Variants in CYTH3 observed in about 807,000 individuals in gnomAD.
CYTH3 encodes the protein cytohesin 3.
A neutral mutation model predicts 55.1 loss-of-function variants in CYTH3; 23 were observed. The ratio of observed to expected loss-of-function variants is 0.42; its 90% CI spans 0.30 to 0.59. CYTH3 has a LOEUF of 0.59. CYTH3 is among the 20% of genes least tolerant of loss of function. The probability of loss-of-function intolerance (pLI) is 0.20; values close to 1 mark genes in which losing one functional copy is unlikely to be tolerated. For missense variants in CYTH3, 413 were observed against 524.8 expected (o/e 0.79, Z 2.08); for synonymous variants, 249 against 194.9 (o/e 1.28, Z -2.31).
At chr7:6,261,387 G>A (rs978080209) in intron 1 of CYTH3, among the ~76,000 whole-genome samples, 2 of 152,054 alleles carry the variant, frequency 1.3e-5, no homozygotes, top group African/African-American at 4.8e-5. Flanking sequence ...CTAGAAGAAG[G>A]GTAAACCAGA....
chr7:6,256,814 A>C (rs1780139972), intron 1 of CYTH3, among the ~76,000 whole-genome samples: 1 of 152,222 alleles, frequency 6.6e-6, no homozygotes, highest in Non-Finnish European at 1.5e-5. Flanking sequence ...GGCAGGACAC[A>C]CCACATCCAT....
chr7:6,223,835 CTAAA>C (rs1779159268), intron 1 of CYTH3, among the ~76,000 whole-genome samples: 1 of 18,030 alleles, frequency 5.5e-5, no homozygotes, highest in African/African-American at 3.4e-4. Context: ...TCAATAAATA[CTAAA>C]AAAAAAAAAA....
chr7:6,193,138 C>T (rs1783843703), intron 1 of CYTH3, among the ~76,000 whole-genome samples: 1 of 152,140 alleles, frequency 6.6e-6, no homozygotes, highest in Non-Finnish European at 1.5e-5. Flanking sequence ...CACCACTGCA[C>T]TCTAGCCTGG....
rs1037990949 is a variant in CYTH3, at chr7:6,202,466, T to G, written c.35-11935A>C. 6.0e-5 allele frequency among the ~76,000 whole-genome samples: 9 copies of G among 150,886 alleles called. No homozygotes were observed. The South Asian group carries it at 1.7e-3, about 28-fold the overall frequency. ...CAACAGGCCATTGCTAGTTTTTTTT[T>G]TTTTTTTTTTTTTGAGACAGGGTTT... On this transcript the variant is annotated intron_variant, in intron 1 of 12. Transcript: ENST00000350796.
intron 1 of CYTH3, among the ~76,000 whole-genome samples, chr7:6,228,420 A>AG (rs1434912979): frequency 6.6e-6 from 1 of 152,162 alleles, no homozygotes; most frequent in Non-Finnish European, 1.5e-5. Context: ...GGAGTCTTCT[A>AG]GGGGGAGGGG....
At chr7:6,178,131 C>T (rs775956199) in intron 4 of CYTH3, among the ~76,000 whole-genome samples, 190 bp from the exon 5 acceptor site, 32 of 152,326 alleles carry the variant, frequency 2.1e-4, no homozygotes, top group South Asian at 4.1e-4. Context: ...AAGAAACGCA[C>T]GTTCATTCCT....
chr7:6,257,379 G>C (rs1001338875), intron 1 of CYTH3, among the ~76,000 whole-genome samples: 9 of 152,088 alleles, frequency 5.9e-5, no homozygotes, highest in Non-Finnish European at 1.2e-4. Context: ...ACTTGGAAAA[G>C]GACATTCTTG....
chr7:6,203,060 A>C (rs547104752), intron 1 of CYTH3, among the ~76,000 whole-genome samples: 2 of 152,352 alleles, frequency 1.3e-5, no homozygotes, highest in South Asian at 4.1e-4. Context: ...GACTAAAGCT[A>C]TGAGTCACTA....
chr7:6,263,361 T>G (rs139911153), intron 1 of CYTH3, among the ~76,000 whole-genome samples: 27 of 152,328 alleles, frequency 1.8e-4, no homozygotes, highest in African/African-American at 6.3e-4. Context: ...TGTTATCTAT[T>G]AAAACTGAAG....
At chr7:6,198,240 G>A (rs1467694266) in intron 1 of CYTH3, among the ~76,000 whole-genome samples, 1 of 152,184 alleles carries the variant, frequency 6.6e-6, no homozygotes, top group Non-Finnish European at 1.5e-5. Flanking sequence ...TAAATAAAAG[G>A]CATAGGAGTA....
In CYTH3 at chr7:6,272,571, C is replaced by A; in HGVS notation, c.-64G>T. The A allele has an allele frequency of 8.4e-7, 1 of 1,193,568 alleles. No homozygotes were observed. The highest frequency in any genetic ancestry group is 1.0e-6 in the Non-Finnish European group (1 of 956,080). The allele number at this position is 1,193,568 out of a possible 1,614,324, so 73.9% of individuals were successfully genotyped here. On this transcript the variant is annotated 5_prime_UTR_variant, in exon 1 of 13. Coordinates refer to ENST00000350796, the MANE Select transcript of CYTH3 (RefSeq NM_004227.4). ...CAGCAGAGGGGCCGCGGGCTGGGGACGCCGCCGGAGGGAGCGCGCAGGCGA... is the reference window on the plus strand; with the variant it reads ...CAGCAGAGGGGCCGCGGGCTGGGGAAGCCGCCGGAGGGAGCGCGCAGGCGA...
At chr7:6,247,524 CA>C (rs1779851457) in intron 1 of CYTH3, among the ~76,000 whole-genome samples, 1 of 152,232 alleles carries the variant, frequency 6.6e-6, no homozygotes, top group South Asian at 2.1e-4. Context: ...ATTCAGATCA[CA>C]GCAATAATTT....
chr7:6,256,703 G>C (rs1440474462), intron 1 of CYTH3, among the ~76,000 whole-genome samples: 1 of 152,166 alleles, frequency 6.6e-6, no homozygotes, highest in Admixed American at 6.5e-5. Context: ...AATAGCTTAT[G>C]TTCTTTCCAG....
intron 1 of CYTH3, among the ~76,000 whole-genome samples, chr7:6,271,591 G>C (rs1014543296): frequency 6.6e-6 from 1 of 152,028 alleles, no homozygotes; most frequent in Admixed American, 6.6e-5. Context: ...ACAGAGGCAC[G>C]TTCCTCTGTT....
At chr7:6,193,248 G>C (rs926044898) in intron 1 of CYTH3, among the ~76,000 whole-genome samples, 1 of 151,956 alleles carries the variant, frequency 6.6e-6, no homozygotes, top group African/African-American at 2.4e-5. Flanking sequence ...GCTGATAAAA[G>C]GATGTCAACT....
chr7:6,196,269 G>C (rs1366861620), intron 1 of CYTH3, among the ~76,000 whole-genome samples: 1 of 152,080 alleles, frequency 6.6e-6, no homozygotes. Flanking sequence ...GAAACACAAA[G>C]AAATCGAGAT....
chr7:6,249,028 A>T (rs761056117), intron 1 of CYTH3, among the ~76,000 whole-genome samples: 1 of 152,012 alleles, frequency 6.6e-6, no homozygotes, highest in South Asian at 2.1e-4. Flanking sequence ...TTTATTTTAA[A>T]TTTTCTCTTT....
intron 1 of CYTH3, among the ~76,000 whole-genome samples, chr7:6,221,905 T>C (rs1189503384): frequency 6.6e-6 from 1 of 152,150 alleles, no homozygotes; most frequent in African/African-American, 2.4e-5. Flanking sequence ...TGAGCTATGA[T>C]GGTGCCACTG....
At chr7:6,185,511 A>G (rs1783616035) in intron 4 of CYTH3, among the ~76,000 whole-genome samples, 1 of 152,004 alleles carries the variant, frequency 6.6e-6, no homozygotes, top group Admixed American at 6.6e-5. Context: ...CCTAGCTAAC[A>G]CAGTGAAACC....
Sources: allele counts gnomAD v4.1 joint callset (sites outside exome capture counted in the v4.1 genomes callset), GRCh38; gene constraint gnomAD v4.1.1; transcripts MANE v1.5; gene names NCBI Gene and HGNC (gene_info 2026-07-23, HGNC 2026-07-21).